Variants in PACS2 observed in about 807,000 individuals in gnomAD.
The protein encoded by PACS2 is PACS1-like protein.
PACS2 carries 36 observed loss-of-function variants against 113.0 expected under a neutral mutation model. The ratio of observed to expected loss-of-function variants is 0.32; its 90% confidence interval spans 0.24 to 0.42. The LOEUF is 0.42. Ranked by LOEUF, PACS2 falls within the 10% of genes least tolerant of loss-of-function variation. PACS2 has a pLI of 1.00. For missense variants in PACS2, 1,015 were observed against 1,239.5 expected (o/e 0.82, Z 2.72); for synonymous variants, 589 against 536.1 (o/e 1.10, Z -1.36).
chr14:105,368,412 C>T, intron 6 of PACS2, 47 bp from the exon 7 acceptor site: 2 of 1,439,088 alleles, frequency 1.4e-6, no homozygotes, highest in Non-Finnish European at 2.0e-6. Flanking sequence ...GTCCTGCCAG[C>T]ACTATGCAGG....
chr14:105,324,720 G>T lies in PACS2; in HGVS notation c.119+9683G>T, dbSNP rs587616383. ...GGCCTGTGGAGGCCGGTGGCGCCCC[G>T]TCTCACCCCACGGATGGGGGGCAGG... On this transcript the variant is annotated intron_variant, in intron 1 of 24. Coordinates refer to ENST00000447393, the MANE Select transcript of PACS2 (RefSeq NM_001100913.3). This position sits in a 1 kb window ranked among gnomAD's most constrained non-coding sequence, Gnocchi z 4.7. Among the ~76,000 whole-genome samples the T allele has an allele frequency of 7.8e-4, 119 of 151,804 alleles. No homozygotes were observed. Among genetic ancestry groups the T allele is most frequent in the East Asian group, 3.3e-3 (17 of 5,114 alleles).
At chr14:105,375,093 G>T (rs2061302432) in intron 8 of PACS2, 2 of 152,330 alleles carry the variant, frequency 1.3e-5, no homozygotes, top group African/African-American at 2.4e-5. Context: ...GGTCGAGGCT[G>T]CAGTGAACTA....
At chr14:105,373,581 C>T (rs1167652271) in intron 8 of PACS2, among the ~76,000 whole-genome samples, 2 of 152,146 alleles carry the variant, frequency 1.3e-5, no homozygotes, top group Non-Finnish European at 2.9e-5. Flanking sequence ...GAGGCTGAGG[C>T]AGGCAGATTG....
chr14:105,352,603 TC>T (rs1566931011), intron 3 of PACS2, 136 bp downstream of exon 3: 19 of 559,938 alleles, frequency 3.4e-5, no homozygotes, highest in Non-Finnish European at 2.5e-5. Context: ...CTCATCAGTG[TC>T]CCCTGGGGAG....
intron 4 of PACS2, 63 bp from the exon 5 acceptor site, chr14:105,367,150 C>A: frequency 6.7e-7 from 1 of 1,481,730 alleles, no homozygotes; most frequent in Non-Finnish European, 9.3e-7. Context: ...CCAGCCCACA[C>A]ATCAGGGCAC....
chr14:105,354,087 C>CA lies in PACS2; in HGVS notation c.298-957dup, dbSNP rs1314534457. Among the ~76,000 whole-genome samples, 29 of 150,758 alleles carry CA rather than the reference C, an allele frequency of 1.9e-4. No homozygotes were observed. Among genetic ancestry groups the CA allele is most frequent in the Middle Eastern group, 3.4e-3 (1 of 292 alleles). On this transcript the variant is annotated intron_variant, in intron 3 of 24. Transcript: ENST00000447393. This position sits in a 1 kb window ranked among gnomAD's most constrained non-coding sequence, Gnocchi z 4.2. ...TGGGGGACAGAGTGAGACTCCATCT[C>CA]AAAAAAAAGAGAGAATATAATAACG...
upstream of PACS2, among the ~76,000 whole-genome samples, chr14:105,309,682 G>A (rs998842734): frequency 6.6e-6 from 1 of 152,188 alleles, no homozygotes; most frequent in Non-Finnish European, 1.5e-5. This position sits in a 1 kb window ranked among gnomAD's most constrained non-coding sequence, Gnocchi z 4.0. Context: ...CCCAGGAGGG[G>A]AGCAGCGTGC....
At position 105,369,419 on chromosome 14, in the gene PACS2, G is replaced by C. The variant is rs144559994; in HGVS notation, c.742-422G>C. On this transcript the variant is annotated intron_variant, in intron 7 of 24. Coordinates refer to ENST00000447393, the MANE Select transcript of PACS2 (RefSeq NM_001100913.3). Reference sequence around the variant, plus strand: ...CTGGAGCCGAGGTTCTGCAGTCCAGGGTGGCACGAGGCACCCACGGGGCTC... The same window carrying C: ...CTGGAGCCGAGGTTCTGCAGTCCAGCGTGGCACGAGGCACCCACGGGGCTC... 7.2e-3 allele frequency among the ~76,000 whole-genome samples: 1,104 copies of C among 152,312 alleles called. 3 individuals are homozygous for C. The highest frequency in any genetic ancestry group is 0.032 in the East Asian group (167 of 5,160).
At chr14:105,380,707 G>A (rs1485785159) in intron 11 of PACS2, among the ~76,000 whole-genome samples, 1 of 151,986 alleles carries the variant, frequency 6.6e-6, no homozygotes, top group African/African-American at 2.4e-5. Flanking sequence ...CAGTTAGGAG[G>A]TCCTGGGCCC....
rs587698220 is a variant in PACS2, at chr14:105,368,833, G to A, written c.741+294G>A. Among the ~76,000 whole-genome samples the A allele has an allele frequency of 7.2e-5, 11 of 152,344 alleles. No individual in the cohort carries two copies. The South Asian group carries it at 2.1e-3, about 29-fold the overall frequency. ...CACTCCATGTGCAGAAACTCCGGGA[G>A]GCCATCCTCCCTTTTGTCCCGTCAG... On this transcript the variant is annotated intron_variant, in intron 7 of 24. Coordinates refer to ENST00000447393, the MANE Select transcript of PACS2 (RefSeq NM_001100913.3).
Position 105,383,822 on chromosome 14 carries a change from C to T in PACS2, c.1780+309C>T, listed in dbSNP as rs946015411. ...AAGGGGCCTGAGCTGGGTGTCTCCT[C>T]CATCAGTCGCTGTGATAACTCTATG... On this transcript the variant is annotated intron_variant, in intron 16 of 24. Coordinates refer to ENST00000447393, the MANE Select transcript of PACS2 (RefSeq NM_001100913.3). 14 of 385,948 alleles carry T rather than the reference C, an allele frequency of 3.6e-5. No individual in the cohort carries two copies. In the Middle Eastern group the frequency reaches 2.7e-3, roughly 75 times the overall value. 23.9% of individuals were successfully genotyped at this position (385,948 alleles called of 1,614,324 possible).
chr14:105,393,583 T>G, intron 24 of PACS2: 1 of 447,600 alleles, frequency 2.2e-6, no homozygotes, highest in African/African-American at 2.1e-5. Context: ...CTTGTTTGTT[T>G]TTTGTTTTGG....
At chr14:105,307,909 A>G (rs2140667559) in intron 1 of PACS2, among the ~76,000 whole-genome samples, 1 of 152,352 alleles carries the variant, frequency 6.6e-6, no homozygotes, top group South Asian at 2.1e-4. Flanking sequence ...CCAGGCCAGG[A>G]CAGTGGCTCA....
upstream of PACS2, chr14:105,314,611 A>G (rs1456557659): frequency 1.4e-5 from 2 of 141,312 alleles, no homozygotes; most frequent in Non-Finnish European, 3.1e-5. Context: ...CGGCGATTGG[A>G]CCCGAGGCGG....
chr14:105,307,370 C>T (rs1273086924), intron 1 of PACS2, among the ~76,000 whole-genome samples: 1 of 152,120 alleles, frequency 6.6e-6, no homozygotes, highest in Non-Finnish European at 1.5e-5. Context: ...CTGAAATGAC[C>T]CAGTTCTAAT....
At chr14:105,303,601 A>C (rs587738217) in intron 1 of PACS2, among the ~76,000 whole-genome samples, 2 of 152,288 alleles carry the variant, frequency 1.3e-5, no homozygotes, top group Admixed American at 1.3e-4. Context: ...CTTTTCCTTT[A>C]TAAATAGGCA....
intron 19 of PACS2, among the ~76,000 whole-genome samples, chr14:105,387,067 GGGGTGACACTGGCTGCCTCCACGTTATAA>G (rs1224716411): frequency 2.0e-5 from 3 of 152,158 alleles, no homozygotes; most frequent in African/African-American, 4.8e-5. Context: ...CCGTGTTGCA[GGGGTGACACTGGCTGCCTCCACGTTATAA>G]GGGTGACACT....
At chr14:105,325,225 G>A (rs1170257868) in intron 1 of PACS2, among the ~76,000 whole-genome samples, 2 of 151,884 alleles carry the variant, frequency 1.3e-5, no homozygotes, top group East Asian at 3.9e-4. Context: ...GCTCGGGGTG[G>A]GGTGGGGCTG....
chr14:105,325,064 C>A (rs956155690), intron 1 of PACS2, among the ~76,000 whole-genome samples: 3 of 152,110 alleles, frequency 2.0e-5, no homozygotes, highest in African/African-American at 4.8e-5. Context: ...GCTGTGGGCA[C>A]CCCCTGCCCC....
Sources: gnomAD v4.1 joint callset for allele counts (sites outside exome capture counted in the v4.1 genomes callset) on GRCh38, gnomAD v4.1.1 for gene constraint, Gnocchi (gnomAD v3.1) non-coding constraint, MANE v1.5 for transcripts, NCBI Gene and HGNC (gene_info 2026-07-23, HGNC 2026-07-21) for gene names.